NBDY: variants seen among roughly 807,000 people sequenced by gnomAD.
NBDY encodes negative regulator of P-body association.
chrX:56,815,039 T>A (rs764369683), intron 2 of NBDY, among the ~76,000 whole-genome samples: 2 of 111,569 alleles, frequency 1.8e-5, no homozygotes, highest in South Asian at 7.4e-4. Flanking sequence ...CTTAAAGTAG[T>A]GATAAATCAA....
chrX:56,735,354 G>A (rs766704423), intron 2 of NBDY, among the ~76,000 whole-genome samples: 1 of 112,449 alleles, frequency 8.9e-6, no homozygotes, highest in Non-Finnish European at 1.9e-5. Context: ...CATAGAATAG[G>A]CATACACTGT....
At chrX:56,781,111 G>T (rs58662522) in intron 2 of NBDY, among the ~76,000 whole-genome samples, 3 of 111,569 alleles carry the variant, frequency 2.7e-5, no homozygotes, top group Non-Finnish European at 5.6e-5. Context: ...TTTAGTGTCA[G>T]AGGTTCTTGT....
chrX:56,736,603 A>G (rs950140396), intron 2 of NBDY, among the ~76,000 whole-genome samples: 1 of 112,710 alleles, frequency 8.9e-6, no homozygotes, highest in Admixed American at 9.3e-5. Context: ...TTACCTTATA[A>G]TCTTAAAACT....
At chrX:56,801,755 C>CCAGA (rs1259699513) in intron 2 of NBDY, among the ~76,000 whole-genome samples, 1 of 110,796 alleles carries the variant, frequency 9.0e-6, no homozygotes, top group Non-Finnish European at 1.9e-5. Flanking sequence ...ACACAACGAT[C>CCAGA]CAGATTTCAG....
chrX:56,792,932 A>T (rs1340500652), intron 2 of NBDY, among the ~76,000 whole-genome samples: 1 of 111,887 alleles, frequency 8.9e-6, no homozygotes, highest in Non-Finnish European at 1.9e-5. Context: ...GGGTAGGGGC[A>T]GAGAAAGTCC....
intron 2 of NBDY, among the ~76,000 whole-genome samples, chrX:56,746,380 A>T (rs965151006): frequency 9.0e-6 from 1 of 111,433 alleles, no homozygotes; most frequent in Non-Finnish European, 1.9e-5. Flanking sequence ...ACATGTTATC[A>T]TAGCATCTGG....
intron 2 of NBDY, among the ~76,000 whole-genome samples, chrX:56,764,144 C>T (rs1232513373): frequency 8.9e-6 from 1 of 112,205 alleles, no homozygotes; most frequent in Non-Finnish European, 1.9e-5. Context: ...TAGGGGCGAC[C>T]CACCATGGGT....
chrX:56,789,720 G>C (rs2069750585), intron 2 of NBDY, among the ~76,000 whole-genome samples: 2 of 111,344 alleles, frequency 1.8e-5, no homozygotes, highest in Admixed American at 1.9e-4. Context: ...AGGGGTTGGA[G>C]GGATTTTCCA....
intron 2 of NBDY, among the ~76,000 whole-genome samples, chrX:56,761,716 G>A (rs957151036): frequency 8.8e-6 from 1 of 113,024 alleles, no homozygotes; most frequent in Non-Finnish European, 1.9e-5. Context: ...GGTCCGGTTG[G>A]CAAGCGAACA....
intron 2 of NBDY, among the ~76,000 whole-genome samples, chrX:56,749,667 T>G (rs1296702195): frequency 7.3e-5 from 8 of 108,870 alleles, no homozygotes; most frequent in African/African-American, 2.7e-4. Flanking sequence ...TTTTTTTTTT[T>G]TTGAGACAGG....
intron 2 of NBDY, among the ~76,000 whole-genome samples, chrX:56,787,595 C>T (rs1260896446): frequency 8.9e-6 from 1 of 112,159 alleles, no homozygotes; most frequent in East Asian, 2.8e-4. Context: ...CTGGAGCATC[C>T]TGGGTCAAGC....
intron 2 of NBDY, among the ~76,000 whole-genome samples, chrX:56,740,700 A>T (rs2069527806): frequency 9.0e-6 from 1 of 110,502 alleles, no homozygotes; most frequent in African/African-American, 3.3e-5. Context: ...TTGAATGTAA[A>T]TTTTTTTTGT....
intron 2 of NBDY, among the ~76,000 whole-genome samples, chrX:56,747,409 A>C (rs2069563003): frequency 1.8e-5 from 2 of 111,775 alleles, no homozygotes; most frequent in Non-Finnish European, 3.8e-5. Context: ...GTACTAAGTA[A>C]GGATGGATGA....
intron 2 of NBDY, among the ~76,000 whole-genome samples, chrX:56,792,099 G>T (rs191262695): frequency 9.0e-6 from 1 of 110,569 alleles, no homozygotes; most frequent in East Asian, 2.8e-4. Flanking sequence ...CCTTGGTTAT[G>T]CTGGATGTCT....
intron 2 of NBDY, among the ~76,000 whole-genome samples, chrX:56,750,938 T>C (rs2148946): frequency 0.1 from 11,105 of 111,235 alleles, 1,070 homozygotes; most frequent in African/African-American, 0.29. Context: ...AAAATAAATA[T>C]CTGATCACAT....
intron 2 of NBDY, among the ~76,000 whole-genome samples, chrX:56,758,506 G>A (rs1323005576): frequency 1.8e-5 from 2 of 111,104 alleles, no homozygotes; most frequent in Admixed American, 1.9e-4. Flanking sequence ...ACTCATATGT[G>A]CCCAGGAATG....
chrX:56,764,386 G>A (rs1364163995), intron 2 of NBDY, among the ~76,000 whole-genome samples: 1 of 111,853 alleles, frequency 8.9e-6, no homozygotes, highest in African/African-American at 3.2e-5. Context: ...CCTCTGGGCT[G>A]ACTGGTCTTG....
At chrX:56,781,095 G>T (rs1167354899) in intron 2 of NBDY, among the ~76,000 whole-genome samples, 1 of 111,581 alleles carries the variant, frequency 9.0e-6, no homozygotes, top group African/African-American at 3.3e-5. Flanking sequence ...CTTTGGTGTT[G>T]TTAGTTTTAG....
At chrX:56,805,180 TC>T (rs1453470410) in intron 2 of NBDY, among the ~76,000 whole-genome samples, 1 of 112,374 alleles carries the variant, frequency 8.9e-6, no homozygotes, top group Non-Finnish European at 1.9e-5. Flanking sequence ...CAAATGTGGA[TC>T]CTTTTCTCAT....
Sources: allele counts gnomAD v4.1 joint callset (sites outside exome capture counted in the v4.1 genomes callset), GRCh38; gene constraint gnomAD v4.1.1; transcripts MANE v1.5; gene names NCBI Gene and HGNC (gene_info 2026-07-23, HGNC 2026-07-21).